Variants in USP6NL observed in about 807,000 individuals in gnomAD.
The protein encoded by USP6NL is USP6 N-terminal-like protein.
A neutral mutation model predicts 61.9 loss-of-function variants in USP6NL; 26 were observed. The ratio of observed to expected loss-of-function variants is 0.42; its 90% CI spans 0.31 to 0.58. The LOEUF (loss-of-function observed/expected upper bound fraction) is 0.58. Among genes scored for constraint, USP6NL ranks in the 20% least tolerant of loss-of-function variants. USP6NL has a pLI of 0.16. For synonymous variants in USP6NL, 432 were observed against 390.1 expected, an observed-to-expected ratio of 1.11 and a Z score of -1.27; for missense variants, 1,114 against 1,034.3, an observed-to-expected ratio of 1.08 and a Z score of -1.06.
intron 2 of USP6NL, 61 bp from the exon 3 acceptor site, chr10:11,527,628 T>C (rs1173895835): frequency 4.2e-6 from 6 of 1,445,778 alleles, no homozygotes; most frequent in Admixed American, 2.0e-5. Flanking sequence ...AGTTAATTAA[T>C]TATGAAACTA....
intron 14 of USP6NL, among the ~76,000 whole-genome samples, chr10:11,464,264 C>T (rs141096373): frequency 7.2e-5 from 11 of 152,320 alleles, no homozygotes; most frequent in Admixed American, 2.0e-4. Context: ...AAGAATTACA[C>T]GACCTCATGT....
chr10:11,543,224 T>C (rs1419887374), intron 2 of USP6NL, among the ~76,000 whole-genome samples: 3 of 152,158 alleles, frequency 2.0e-5, no homozygotes, highest in South Asian at 2.1e-4. Flanking sequence ...CATCCAAATA[T>C]ATATTTCTTC....
rs933669164 is a variant in USP6NL, at chr10:11,520,543, T to C, written c.156-1969A>G. ...CTCAGTAAACGGTGCTGAATGAAGA[T>C]ATGAACAGGAGGATGAACACATGCC... On this transcript the variant is annotated intron_variant, in intron 4 of 14. Coordinates refer to ENST00000609104, the MANE Select transcript of USP6NL (RefSeq NM_014688.5). The surrounding 1 kb of genome is among the most constrained non-coding windows in gnomAD (Gnocchi z 5.2). Among the ~76,000 whole-genome samples, 1 of 152,234 alleles carries C rather than the reference T, an allele frequency of 6.6e-6. No homozygotes were observed. Among genetic ancestry groups the C allele is most frequent in the African/African-American group, 2.4e-5 (1 of 41,470 alleles).
In USP6NL at chr10:11,462,783, C is replaced by T. The variant is rs757320677; in HGVS notation, c.2145G>A (p.Gly715=). 1.2e-5 allele frequency: 19 copies of T among 1,613,968 alleles called. 1 individual carries two copies. The South Asian group carries it at 2.1e-4, about 18-fold the overall frequency. Residue 715 remains glycine (G), a synonymous_variant, in exon 15 of 15, where the codon GGG becomes GGA. Transcript: ENST00000609104. ...TGAGGYSGNS[G]SPKNGKLIIP... ...TGATCAATTTTCCATTCTTTGGTGACCCTGAATTGCCCGAATATCCCCCAG... is the reference window on the plus strand; with the variant it reads ...TGATCAATTTTCCATTCTTTGGTGATCCTGAATTGCCCGAATATCCCCCAG...
chr10:11,529,449 C>A (rs1365009613), intron 2 of USP6NL, among the ~76,000 whole-genome samples: 1 of 152,180 alleles, frequency 6.6e-6, no homozygotes, highest in East Asian at 1.9e-4. Flanking sequence ...GATCATCAAA[C>A]AAGCGCAAGG....
In USP6NL at chr10:11,562,875, C is replaced by A. The variant is rs1836994183; in HGVS notation, c.4+34756G>T. 2 of 682,080 alleles carry A rather than the reference C, an allele frequency of 2.9e-6. No individual in the cohort carries two copies. Among genetic ancestry groups the A allele is most frequent in the Non-Finnish European group, 3.6e-6 (2 of 553,436 alleles). The allele number at this position is 682,080 out of a possible 1,614,324, so 42.3% of individuals were successfully genotyped here. A position where few individuals can be genotyped will look rare whatever the true frequency, so the allele number is the denominator to read the frequency against. On this transcript the variant is annotated intron_variant, in intron 2 of 14. Coordinates refer to ENST00000609104, the MANE Select transcript of USP6NL (RefSeq NM_014688.5). The surrounding 1 kb of genome is among the most constrained non-coding windows in gnomAD (Gnocchi z 4.8). Reference sequence around the variant, plus strand: ...GGTAGTTTCTTGAAAAAGTAGACATCCACTTACCATGCAATCTATGAATCA... The same window carrying A: ...GGTAGTTTCTTGAAAAAGTAGACATACACTTACCATGCAATCTATGAATCA...
At chr10:11,590,320 C>T (rs1161427967) in intron 2 of USP6NL, among the ~76,000 whole-genome samples, 1 of 152,146 alleles carries the variant, frequency 6.6e-6, no homozygotes, top group Non-Finnish European at 1.5e-5. Flanking sequence ...CAATTTCACA[C>T]TACAGGAAAT....
At chr10:11,565,254 A>C (rs921667609) in intron 2 of USP6NL, 1 of 152,228 alleles carries the variant, frequency 6.6e-6, no homozygotes, top group African/African-American at 2.4e-5. Context: ...ATACCCAAGA[A>C]GACCACAGAA....
rs1832413850 is a variant in USP6NL, at chr10:11,465,536, T to A, written c.1079-1687A>T. Among the ~76,000 whole-genome samples the A allele has an allele frequency of 6.6e-6, 1 of 152,168 alleles. No individual in the cohort carries two copies. Among genetic ancestry groups the A allele is most frequent in the African/African-American group, 2.4e-5 (1 of 41,420 alleles). On this transcript the variant is annotated intron_variant, in intron 14 of 14. Transcript: ENST00000609104. The surrounding 1 kb of genome is among the most constrained non-coding windows in gnomAD (Gnocchi z 4.5). The stretch of plus-strand genomic sequence containing the variant: ...TAATTTAAAATGTCTTTTAAGATTC[T>A]CCATAGCAGTATTTAAAAAACAAAC...
Position 11,518,481 on chromosome 10 carries a change from T to C in USP6NL, c.195+54A>G. 6.7e-7 allele frequency: 1 copy of C among 1,491,794 alleles called. No homozygotes were observed. Among genetic ancestry groups the C allele is most frequent in the African/African-American group, 1.4e-5 (1 of 72,170 alleles). The allele number at this position is 1,491,794 out of a possible 1,614,324, so 92.4% of individuals were successfully genotyped here. On this transcript the variant is annotated intron_variant, in intron 5 of 14. Transcript: ENST00000609104. The surrounding 1 kb of genome is among the most constrained non-coding windows in gnomAD (Gnocchi z 5.3). ...ATCACAAAGGTGGTCAATTTTATTCTTCTAATAAAGGCAATTCACCAGTAA... is the reference window on the plus strand; with the variant it reads ...ATCACAAAGGTGGTCAATTTTATTCCTCTAATAAAGGCAATTCACCAGTAA...
chr10:11,610,301 T>C (rs1176040632), intron 1 of USP6NL, among the ~76,000 whole-genome samples: 1 of 152,154 alleles, frequency 6.6e-6, no homozygotes, highest in African/African-American at 2.4e-5. Flanking sequence ...AACCAGGAAA[T>C]ATTTTTGTTA....
chr10:11,610,733 G>C (rs1838861459), intron 1 of USP6NL, among the ~76,000 whole-genome samples: 1 of 151,482 alleles, frequency 6.6e-6, no homozygotes, highest in South Asian at 2.1e-4. Flanking sequence ...GGTCTAAAAA[G>C]CATCTATCTG....
rs756361625 is a variant in USP6NL, at chr10:11,481,743, GATAT to G, written c.1078+23_1078+26del. On this transcript the variant is annotated intron_variant, in intron 14 of 14. Coordinates refer to ENST00000609104, the MANE Select transcript of USP6NL (RefSeq NM_014688.5). This position sits in a 1 kb window ranked among gnomAD's most constrained non-coding sequence, Gnocchi z 4.4. ...GTCTTCCAATCTTAATTATAACGTA[GATAT>G]AAAGTATTGGGGTAATTCTTACCAG... 2.5e-6 allele frequency: 4 copies of G among 1,573,976 alleles called. No individual in the cohort carries two copies. The African/African-American group carries it at 5.5e-5, about 22-fold the overall frequency.
chr10:11,540,071 C>A lies in USP6NL; in HGVS notation c.5-12504G>T. Among the ~76,000 whole-genome samples the A allele has an allele frequency of 6.6e-6, 1 of 152,208 alleles. No homozygotes were observed. Among genetic ancestry groups the A allele is most frequent in the East Asian group, 1.9e-4 (1 of 5,196 alleles). On this transcript the variant is annotated intron_variant, in intron 2 of 14. Coordinates refer to ENST00000609104, the MANE Select transcript of USP6NL (RefSeq NM_014688.5). This position sits in a 1 kb window ranked among gnomAD's most constrained non-coding sequence, Gnocchi z 5.0. ...TATTAATAGTTGATCTTATACATTT[C>A]TGCTCACTTCTGCTAGTCCTTACAT... is the stretch of plus-strand genomic sequence containing the variant.
intron 2 of USP6NL, among the ~76,000 whole-genome samples, chr10:11,569,313 C>T (rs898440177): frequency 9.9e-5 from 15 of 152,156 alleles, no homozygotes; most frequent in African/African-American, 3.6e-4. Flanking sequence ...TATAATATTT[C>T]GCTGATCTAA....
At chr10:11,502,950 C>T (rs533806531) in intron 6 of USP6NL, among the ~76,000 whole-genome samples, 2 of 152,256 alleles carry the variant, frequency 1.3e-5, no homozygotes, top group African/African-American at 4.8e-5. Context: ...TAAAACTAGA[C>T]TCGCAACATT....
At chr10:11,594,095 T>C (rs1838243557) in intron 2 of USP6NL, among the ~76,000 whole-genome samples, 1 of 152,114 alleles carries the variant, frequency 6.6e-6, no homozygotes, top group Non-Finnish European at 1.5e-5. Flanking sequence ...GTACCACATA[T>C]CCATAATTTT....
At chr10:11,486,593 T>G (rs1416631986) in intron 10 of USP6NL, among the ~76,000 whole-genome samples, 2 of 152,192 alleles carry the variant, frequency 1.3e-5, no homozygotes, top group African/African-American at 4.8e-5. Flanking sequence ...ATACAATCCA[T>G]TAAAAAGAAA....
chr10:11,479,556 C>A (rs1284673310), intron 14 of USP6NL, among the ~76,000 whole-genome samples: 2 of 148,696 alleles, frequency 1.3e-5, no homozygotes, highest in African/African-American at 2.5e-5. Context: ...GTGGCATGTT[C>A]ATGTAGGTGT....
Sources: gnomAD v4.1 joint callset for allele counts (sites outside exome capture counted in the v4.1 genomes callset) on GRCh38, gnomAD v4.1.1 for gene constraint, Gnocchi (gnomAD v3.1) non-coding constraint, MANE v1.5 for transcripts, NCBI Gene and HGNC (gene_info 2026-07-23, HGNC 2026-07-21) for gene names.